Variants in ANK3 observed in about 807,000 individuals in gnomAD.
ANK3 encodes the protein ankyrin-3.
ANK3 carries 57 observed loss-of-function variants against 370.9 expected under a neutral mutation model. The ratio of observed to expected loss-of-function variants is 0.15; its 90% CI spans 0.12 to 0.19. The LOEUF (loss-of-function observed/expected upper bound fraction) is 0.19. ANK3 is among the 10% of genes least tolerant of loss of function. The pLI, the probability that ANK3 is intolerant of heterozygous loss-of-function variation, is 1.00. For missense variants in ANK3, 4,439 were observed against 5,302.1 expected (o/e 0.84, Z 5.06); for synonymous variants, 1,929 against 1,946.3 (o/e 0.99, Z 0.23).
intron 2 of ANK3, among the ~76,000 whole-genome samples, chr10:60,560,280 C>T (rs568629213): frequency 2.0e-5 from 3 of 152,094 alleles, no homozygotes; most frequent in Admixed American, 2.0e-4. Flanking sequence ...AAGGTCATTC[C>T]TTCATTTTTA....
intron 1 of ANK3, among the ~76,000 whole-genome samples, chr10:60,690,785 T>A (rs927089541): frequency 6.6e-6 from 1 of 152,170 alleles, no homozygotes; most frequent in African/African-American, 2.4e-5. Flanking sequence ...AGCTACGCAC[T>A]CAGAAGTCTT....
At chr10:60,142,432 G>A (rs1034942128) in intron 23 of ANK3, among the ~76,000 whole-genome samples, 6 of 152,142 alleles carry the variant, frequency 3.9e-5, no homozygotes, top group Admixed American at 3.3e-4. Flanking sequence ...CCTAAGTTAG[G>A]AGCCATATTC....
At chr10:60,580,351 A>C (rs983146844) in intron 2 of ANK3, among the ~76,000 whole-genome samples, 2 of 152,180 alleles carry the variant, frequency 1.3e-5, no homozygotes. Context: ...GCTTCTATAA[A>C]GTCCTGTTCA....
chr10:60,035,323 G>A (rs2074681376), intron 43 of ANK3, among the ~76,000 whole-genome samples: 1 of 151,886 alleles, frequency 6.6e-6, no homozygotes, highest in Non-Finnish European at 1.5e-5. Context: ...ATCTTGGCTT[G>A]CTGCAACCTC....
chr10:60,719,421 C>A (rs192284720), intron 1 of ANK3, among the ~76,000 whole-genome samples: 1 of 152,118 alleles, frequency 6.6e-6, no homozygotes, highest in East Asian at 1.9e-4. Context: ...AGAGATTAAC[C>A]ATTTGCCTAA....
Position 60,514,540 on chromosome 10 carries a change from T to C in ANK3, c.96+100646A>G, listed in dbSNP as rs896628729. 3.9e-5 allele frequency among the ~76,000 whole-genome samples: 6 copies of C among 152,130 alleles called. No individual in the cohort carries two copies. In the East Asian group the frequency reaches 5.8e-4, roughly 15 times the overall value. On this transcript the variant is annotated intron_variant, in intron 2 of 43. Transcript: ENST00000373827. ...AATCTTGCAGTTGGATCCCCCCATA[T>C]ACATCCTTTAATCCCTTCAAATAAG... is the stretch of plus-strand genomic sequence containing the variant.
At chr10:60,703,959 C>T (rs1354105649) in intron 1 of ANK3, among the ~76,000 whole-genome samples, 1 of 152,124 alleles carries the variant, frequency 6.6e-6, no homozygotes, top group African/African-American at 2.4e-5. Context: ...TGTGGTGGAA[C>T]TGATACTGTG....
At chr10:60,059,684 T>A (rs898064106) in intron 40 of ANK3, 1 of 1,602,180 alleles carries the variant, frequency 6.2e-7, no homozygotes, top group Non-Finnish European at 8.5e-7. Context: ...TTCCAAGGTA[T>A]TGAGGATACT....
chr10:60,120,827 C>G (rs1000897719), intron 25 of ANK3, among the ~76,000 whole-genome samples: 1 of 152,094 alleles, frequency 6.6e-6, no homozygotes, highest in African/African-American at 2.4e-5. Context: ...ATAACAAATT[C>G]TAACCAGGAT....
At chr10:60,133,392 G>A (rs1034107983) in intron 25 of ANK3, among the ~76,000 whole-genome samples, 2 of 152,136 alleles carry the variant, frequency 1.3e-5, no homozygotes, top group South Asian at 4.1e-4. Context: ...CTGTGTTACT[G>A]GAACTTCTTA....
chr10:60,523,071 C>T (rs1158443752), intron 2 of ANK3, among the ~76,000 whole-genome samples: 2 of 152,028 alleles, frequency 1.3e-5, no homozygotes, highest in Non-Finnish European at 2.9e-5. Context: ...CTAGACATCA[C>T]CTAACGGTCC....
chr10:60,626,330 A>G (rs1300578200), intron 1 of ANK3, among the ~76,000 whole-genome samples: 1 of 152,192 alleles, frequency 6.6e-6, no homozygotes, highest in Admixed American at 6.5e-5. Context: ...TTCTTTATTA[A>G]TGCATTATAT....
chr10:60,100,443 A>C (rs1397465250), intron 28 of ANK3, among the ~76,000 whole-genome samples: 1 of 152,066 alleles, frequency 6.6e-6, no homozygotes, highest in Non-Finnish European at 1.5e-5. Context: ...AAAAACAATT[A>C]AATTATATTG....
intron 2 of ANK3, among the ~76,000 whole-genome samples, chr10:60,396,575 T>C (rs2063245096): frequency 6.6e-6 from 1 of 152,204 alleles, no homozygotes; most frequent in Non-Finnish European, 1.5e-5. Context: ...TGATAAAGTA[T>C]AACCACTGAG....
chr10:60,114,337 A>G lies in ANK3; in HGVS notation c.2842-6T>C. On this transcript the variant is annotated splice_polypyrimidine_tract_variant and splice_region_variant and intron_variant, in intron 25 of 43. Transcript: ENST00000280772. Reference sequence around the variant, plus strand: ...TCCCTTGTGAATGTTAGATGCTGAAAAATAAAATGGTAAATTAAATTACAT... The same window carrying G: ...TCCCTTGTGAATGTTAGATGCTGAAGAATAAAATGGTAAATTAAATTACAT... 1 of 1,535,504 alleles carries G rather than the reference A, an allele frequency of 6.5e-7. No individual in the cohort carries two copies. Among genetic ancestry groups the G allele is most frequent in the Non-Finnish European group, 9.0e-7 (1 of 1,116,492 alleles).
intron 16 of ANK3, among the ~76,000 whole-genome samples, chr10:60,194,790 G>A (rs1591558944): frequency 6.6e-6 from 1 of 152,110 alleles, no homozygotes; most frequent in Admixed American, 6.5e-5. Flanking sequence ...AACTGTGGAG[G>A]GGAAAGCTAC....
intron 1 of ANK3, among the ~76,000 whole-genome samples, chr10:60,339,961 T>C (rs1350144228): frequency 1.3e-5 from 2 of 152,234 alleles, no homozygotes; most frequent in Non-Finnish European, 2.9e-5. Context: ...AGTGAGCAGA[T>C]TGATGCCTCC....
intron 1 of ANK3, among the ~76,000 whole-genome samples, chr10:60,690,881 T>G (rs1039610952): frequency 6.6e-6 from 1 of 152,200 alleles, no homozygotes; most frequent in East Asian, 1.9e-4. Flanking sequence ...TCTGCCCCCA[T>G]GAAAAGGCAT....
intron 2 of ANK3, among the ~76,000 whole-genome samples, chr10:60,404,223 A>T (rs183768909): frequency 0.032 from 4,821 of 151,998 alleles, 105 homozygotes; most frequent in Non-Finnish European, 0.036. Flanking sequence ...GTTTTTTTTT[A>T]AAAAAATAGA....
Sources: gnomAD v4.1 joint callset for allele counts (sites outside exome capture counted in the v4.1 genomes callset) on GRCh38, gnomAD v4.1.1 for gene constraint, MANE v1.5 for transcripts, NCBI Gene and HGNC (gene_info 2026-07-23, HGNC 2026-07-21) for gene names.